OPCML: variants seen among roughly 807,000 people sequenced by gnomAD.
OPCML encodes the protein opioid binding protein/cell adhesion molecule like.
In OPCML, 13 loss-of-function variants were observed where a neutral mutation model predicts 37.8. The ratio of observed to expected loss-of-function variants is 0.34; its 90% CI spans 0.22 to 0.55. OPCML has a LOEUF of 0.55. Ranked by LOEUF, OPCML falls within the 20% of genes least tolerant of loss-of-function variation. The probability of loss-of-function intolerance (pLI) is 0.91; values close to 1 mark genes in which losing one functional copy is unlikely to be tolerated. For synonymous variants in OPCML, 176 were observed against 168.8 expected, an observed-to-expected ratio of 1.04 and a Z score of -0.33; for missense variants, 341 against 435.6, an observed-to-expected ratio of 0.78 and a Z score of 1.93.
At chr11:133,072,562 G>GTC (rs1471223841) in intron 1 of OPCML, among the ~76,000 whole-genome samples, 8 of 152,342 alleles carry the variant, frequency 5.3e-5, no homozygotes, top group Admixed American at 6.5e-5. Context: ...CTCTAGGGAC[G>GTC]GCTTGATGAC....
At chr11:133,022,016 G>A (rs1947464989) in intron 1 of OPCML, among the ~76,000 whole-genome samples, 2 of 152,212 alleles carry the variant, frequency 1.3e-5, no homozygotes, top group Non-Finnish European at 2.9e-5. Context: ...ATGAGAGAAA[G>A]GGACTGACAC....
intron 1 of OPCML, chr11:133,423,157 T>G (rs920503251): frequency 1.0e-6 from 1 of 985,302 alleles, no homozygotes; most frequent in African/African-American, 1.7e-5. Context: ...TTTCAGAATT[T>G]ATCTTTACAT....
chr11:133,429,287 C>A (rs1033089074), intron 1 of OPCML, among the ~76,000 whole-genome samples: 1 of 152,130 alleles, frequency 6.6e-6, no homozygotes, highest in African/African-American at 2.4e-5. Context: ...TGAAGGAGAC[C>A]AAATCTTCCT....
rs567972879 is a variant in OPCML, at chr11:132,894,096, C to T, written c.146+48830G>A. ...GTAAGAATTATAATGTTTGCCTCTA[C>T]TTTTCTACCTCCCATTCAGTCCTCA... On this transcript the variant is annotated intron_variant, in intron 2 of 7. Transcript: ENST00000524381. 2.0e-5 allele frequency among the ~76,000 whole-genome samples: 3 copies of T among 152,292 alleles called. No individual in the cohort carries two copies. The South Asian group carries it at 6.2e-4, about 32-fold the overall frequency.
chr11:133,499,145 G>A (rs2120516545), intron 1 of OPCML, among the ~76,000 whole-genome samples: 1 of 152,176 alleles, frequency 6.6e-6, no homozygotes, highest in East Asian at 1.9e-4. Flanking sequence ...AAGCCGTCCA[G>A]CTCCCTCCAG....
At chr11:132,429,240 G>T (rs144923082) in intron 7 of OPCML, among the ~76,000 whole-genome samples, 1 of 152,292 alleles carries the variant, frequency 6.6e-6, no homozygotes, top group African/African-American at 2.4e-5. Context: ...CTGGGAGGCA[G>T]AAGTTTTCAG....
intron 2 of OPCML, among the ~76,000 whole-genome samples, chr11:132,722,813 C>T (rs1175021183): frequency 6.6e-6 from 1 of 152,088 alleles, no homozygotes. Flanking sequence ...GCCCTTGCAG[C>T]GAAAGGTGAA....
intron 4 of OPCML, among the ~76,000 whole-genome samples, chr11:132,452,414 C>T (rs930556959): frequency 9.9e-5 from 15 of 152,064 alleles, no homozygotes; most frequent in African/African-American, 3.1e-4. Context: ...CTCCAGTCAG[C>T]GACAGCACCT....
At position 133,173,639 on chromosome 11, in the gene OPCML, G is replaced by A. The variant is rs1485961877; in HGVS notation, c.62-230629C>T. On this transcript the variant is annotated intron_variant, in intron 1 of 7. Coordinates refer to ENST00000524381, the MANE Select transcript of OPCML (RefSeq NM_001012393.5). This position sits in a 1 kb window ranked among gnomAD's most constrained non-coding sequence, Gnocchi z 7.8. ...TCTCATTGCAAAAATTAGCAGTAAC[G>A]CGATGAGGCTAACGTAAGGGTAGAC... Among the ~76,000 whole-genome samples, 2 of 152,108 alleles carry A rather than the reference G, an allele frequency of 1.3e-5. No individual in the cohort carries two copies. The highest frequency in any genetic ancestry group is 2.4e-5 in the African/African-American group (1 of 41,412).
At chr11:133,305,217 C>A (rs1007951577) in intron 1 of OPCML, among the ~76,000 whole-genome samples, 2 of 152,194 alleles carry the variant, frequency 1.3e-5, no homozygotes, top group African/African-American at 4.8e-5. Context: ...GGCACAGTGA[C>A]TGTCTTAGAG....
chr11:133,340,189 G>T (rs796566314), intron 1 of OPCML, among the ~76,000 whole-genome samples: 5 of 152,342 alleles, frequency 3.3e-5, no homozygotes, highest in African/African-American at 1.2e-4. Flanking sequence ...GGCCTTGTCT[G>T]AAGGCACTGG....
chr11:133,515,221 C>T (rs1948240366), intron 1 of OPCML, among the ~76,000 whole-genome samples: 1 of 152,166 alleles, frequency 6.6e-6, no homozygotes, highest in Non-Finnish European at 1.5e-5. Context: ...GGCCATCTTC[C>T]ACCAGCTGGG....
At chr11:132,608,320 C>T (rs1326689715) in intron 3 of OPCML, among the ~76,000 whole-genome samples, 1 of 152,186 alleles carries the variant, frequency 6.6e-6, no homozygotes, top group African/African-American at 2.4e-5. Context: ...CAGATCCACA[C>T]TCTGCTCAGA....
chr11:132,737,919 C>T (rs1035051666), intron 2 of OPCML, among the ~76,000 whole-genome samples: 9 of 152,166 alleles, frequency 5.9e-5, no homozygotes, highest in African/African-American at 9.7e-5. Context: ...GGTATCTCTA[C>T]GCTCAGAATG....
chr11:133,463,017 T>A (rs528142457), intron 1 of OPCML, among the ~76,000 whole-genome samples: 1 of 150,302 alleles, frequency 6.7e-6, no homozygotes, highest in Non-Finnish European at 1.5e-5. Context: ...AGGAAGAAAA[T>A]TATGACACAA....
At chr11:132,614,469 C>T (rs1047928331) in intron 3 of OPCML, among the ~76,000 whole-genome samples, 3 of 152,162 alleles carry the variant, frequency 2.0e-5, no homozygotes, top group African/African-American at 7.2e-5. Flanking sequence ...CTTCCTCTTC[C>T]GTCCCTCTGC....
chr11:133,480,818 A>G (rs778159990), intron 1 of OPCML, among the ~76,000 whole-genome samples: 1 of 152,262 alleles, frequency 6.6e-6, no homozygotes, highest in Non-Finnish European at 1.5e-5. Flanking sequence ...TTTAAGCCCA[A>G]TGGCATCTAC....
chr11:132,572,411 T>C (rs982919982), intron 3 of OPCML, among the ~76,000 whole-genome samples: 2 of 152,126 alleles, frequency 1.3e-5, no homozygotes, highest in Non-Finnish European at 2.9e-5. Flanking sequence ...CTTTAAACCA[T>C]TTTGAGTTGG....
intron 4 of OPCML, among the ~76,000 whole-genome samples, chr11:132,508,593 G>A (rs896335481): frequency 6.6e-6 from 1 of 152,138 alleles, no homozygotes; most frequent in Admixed American, 6.5e-5. Context: ...GAGGGACCCA[G>A]GGGGAGGTAA....
Sources: gnomAD v4.1 joint callset for allele counts (sites outside exome capture counted in the v4.1 genomes callset) on GRCh38, gnomAD v4.1.1 for gene constraint, Gnocchi (gnomAD v3.1) non-coding constraint, MANE v1.5 for transcripts, NCBI Gene and HGNC (gene_info 2026-07-23, HGNC 2026-07-21) for gene names.